The following CORO2A variants were observed in gnomAD, a reference collection of about 807,000 sequenced individuals.
CORO2A encodes coronin 2A.
In CORO2A, 47 loss-of-function variants were observed where a neutral mutation model predicts 62.4. The observed-to-expected ratio is 0.75, with a 90% CI of 0.60 to 0.96. The LOEUF is 0.96. Among genes scored for constraint, CORO2A ranks in the 40% least tolerant of loss-of-function variants. The probability of loss-of-function intolerance (pLI) is 0.00; values close to 1 mark genes in which losing one functional copy is unlikely to be tolerated. For missense variants in CORO2A, 610 were observed against 684.1 expected (o/e 0.89, Z 1.21); for synonymous variants, 273 against 268.9 (o/e 1.02, Z -0.15).
intron 1 of CORO2A, among the ~76,000 whole-genome samples, chr9:98,189,313 A>G (rs1421282795): frequency 1.3e-5 from 2 of 152,182 alleles, no homozygotes; most frequent in Non-Finnish European, 2.9e-5. Context: ...TCTGTTCTGA[A>G]GGAGGCAAGG....
intron 1 of CORO2A, among the ~76,000 whole-genome samples, chr9:98,173,529 T>C (rs1173426845): frequency 4.1e-5 from 6 of 147,466 alleles, no homozygotes; most frequent in Non-Finnish European, 1.5e-5. Context: ...CTCTGCTCCT[T>C]GGCTTGCTTT....
chr9:98,130,387 T>C (rs867474097), intron 7 of CORO2A, among the ~76,000 whole-genome samples: 27 of 152,274 alleles, frequency 1.8e-4, no homozygotes, highest in African/African-American at 6.3e-4. Flanking sequence ...GTGCTGGGCC[T>C]GGGCCCTTAT....
intron 2 of CORO2A, among the ~76,000 whole-genome samples, chr9:98,141,287 A>G (rs1827562639): frequency 6.7e-6 from 1 of 149,924 alleles, no homozygotes; most frequent in Non-Finnish European, 1.5e-5. Flanking sequence ...ACCTGGAGCT[A>G]GGGTCTTAGA....
intron 1 of CORO2A, among the ~76,000 whole-genome samples, chr9:98,173,887 CG>C (rs1364526917): frequency 5.3e-5 from 8 of 152,148 alleles, no homozygotes; most frequent in Admixed American, 2.0e-4. Context: ...GAGGCTGAGG[CG>C]GGCAGATCAC....
At position 98,134,963 on chromosome 9, in the gene CORO2A, G is replaced by A. The variant is rs767200303; in HGVS notation, c.319-8C>T. On this transcript the variant is annotated splice_polypyrimidine_tract_variant and splice_region_variant and intron_variant, in intron 3 of 11. Transcript: ENST00000375077. ...GATGCTCCAGATCTTAATCTGGCAG[G>A]GGAGACAGGGCCCAAGGCAGCATTA... 2 of 1,613,526 alleles carry A rather than the reference G, an allele frequency of 1.2e-6. No homozygotes were observed. Among genetic ancestry groups the A allele is most frequent in the South Asian group, 1.1e-5 (1 of 90,978 alleles).
chr9:98,124,764 A>C lies in CORO2A; in HGVS notation c.*10T>G. On this transcript the variant is annotated 3_prime_UTR_variant, in exon 12 of 12. Coordinates refer to ENST00000375077, the MANE Select transcript of CORO2A (RefSeq NM_052820.4). ...GTGTCCCTGAGGGTGAGGAGGGCAG[A>C]GGTCTCTGCTCAGAGCTGCTCTGAG... 6.2e-7 allele frequency: 1 copy of C among 1,605,504 alleles called. No homozygotes were observed. The highest frequency in any genetic ancestry group is 8.5e-7 in the Non-Finnish European group (1 of 1,175,832).
intron 1 of CORO2A, among the ~76,000 whole-genome samples, chr9:98,184,585 T>C (rs573039451): frequency 2.0e-4 from 30 of 152,322 alleles, no homozygotes; most frequent in Admixed American, 1.8e-3. Context: ...CCTCTATCCC[T>C]ATCCCTGGCA....
chr9:98,126,540 C>A lies in CORO2A; in HGVS notation c.1446+9G>T. The A allele has an allele frequency of 6.2e-7, 1 of 1,611,350 alleles. No individual in the cohort carries two copies. Among genetic ancestry groups the A allele is most frequent in the East Asian group, 2.2e-5 (1 of 44,818 alleles). ...CCATGTGAAAGGCCCACCCCGTCCT[C>A]CTTCACACCTCATTCTCTGTCTTTG... is the stretch of plus-strand genomic sequence containing the variant. On this transcript the variant is annotated intron_variant, in intron 11 of 11. Coordinates refer to ENST00000375077, the MANE Select transcript of CORO2A (RefSeq NM_052820.4).
chr9:98,160,334 G>A (rs1474433878), intron 1 of CORO2A, among the ~76,000 whole-genome samples: 1 of 152,232 alleles, frequency 6.6e-6, no homozygotes, highest in Non-Finnish European at 1.5e-5. Flanking sequence ...GAGATCACCT[G>A]AAACGCAGGA....
chr9:98,168,536 G>A (rs765858434), intron 1 of CORO2A, among the ~76,000 whole-genome samples: 1 of 152,234 alleles, frequency 6.6e-6, no homozygotes, highest in Non-Finnish European at 1.5e-5. Context: ...TAGTGGCTGG[G>A]CTGGAATCTG....
chr9:98,156,181 A>G (rs1444072628), intron 2 of CORO2A, among the ~76,000 whole-genome samples: 1 of 151,570 alleles, frequency 6.6e-6, no homozygotes, highest in Non-Finnish European at 1.5e-5. Flanking sequence ...CTAGGACCAC[A>G]GGCAAATGCC....
intron 2 of CORO2A, among the ~76,000 whole-genome samples, chr9:98,140,013 A>G (rs1472353375): frequency 2.0e-5 from 3 of 152,116 alleles, no homozygotes; most frequent in Non-Finnish European, 2.9e-5. Context: ...AAACCACACC[A>G]GTTCAGTCAC....
Position 98,128,107 on chromosome 9 carries a change from G to A in CORO2A, c.1171+63C>T, listed in dbSNP as rs1229754125. 4 of 1,355,590 alleles carry A rather than the reference G, an allele frequency of 3.0e-6. No individual in the cohort carries two copies. In the East Asian group the frequency reaches 6.9e-5, roughly 24 times the overall value. The allele number at this position is 1,355,590 out of a possible 1,614,324, so 84.0% of individuals were successfully genotyped here. On this transcript the variant is annotated intron_variant, in intron 10 of 11. Coordinates refer to ENST00000375077, the MANE Select transcript of CORO2A (RefSeq NM_052820.4). ...CAGGCCCAACCCCTCTCAATTGCTT[G>A]GGGCCACTGGGCACGCCATGTTCCT...
At chr9:98,136,315 C>T (rs934700813) in intron 3 of CORO2A, among the ~76,000 whole-genome samples, 5 of 152,238 alleles carry the variant, frequency 3.3e-5, no homozygotes, top group African/African-American at 4.8e-5. Flanking sequence ...GAAATCACCT[C>T]GGCAGACACT....
intron 4 of CORO2A, 147 bp from the exon 5 acceptor site, chr9:98,133,364 T>G (rs1827438680): frequency 6.8e-6 from 5 of 738,560 alleles, no homozygotes; most frequent in Non-Finnish European, 1.1e-5. Flanking sequence ...AGTGGGAGGA[T>G]GATGTGCAGG....
At chr9:98,150,598 T>C (rs964819652) in intron 2 of CORO2A, among the ~76,000 whole-genome samples, 3 of 152,230 alleles carry the variant, frequency 2.0e-5, no homozygotes, top group African/African-American at 7.2e-5. Context: ...CACCAATTTA[T>C]TTTCTTTATA....
intron 2 of CORO2A, 38 bp downstream of exon 2, chr9:98,157,422 G>C: frequency 6.3e-7 from 1 of 1,598,378 alleles, no homozygotes; most frequent in Admixed American, 1.7e-5. Context: ...GTCCTGCCCT[G>C]CCTCCAGAGA....
At chr9:98,166,450 T>C (rs1271872434) in intron 1 of CORO2A, among the ~76,000 whole-genome samples, 1 of 152,176 alleles carries the variant, frequency 6.6e-6, no homozygotes, top group Non-Finnish European at 1.5e-5. Flanking sequence ...AGAGGAAATA[T>C]TTGCAAATCC....
chr9:98,163,448 C>G (rs973509205), intron 1 of CORO2A, among the ~76,000 whole-genome samples: 3 of 152,190 alleles, frequency 2.0e-5, no homozygotes, highest in Non-Finnish European at 4.4e-5. Context: ...CCTTGGCCTC[C>G]CTAAGTGCTG....
Sources: allele counts gnomAD v4.1 joint callset (sites outside exome capture counted in the v4.1 genomes callset), GRCh38; gene constraint gnomAD v4.1.1; transcripts MANE v1.5; gene names NCBI Gene and HGNC (gene_info 2026-07-23, HGNC 2026-07-21).